ZFHX3: variants seen among roughly 807,000 people sequenced by gnomAD.
The protein encoded by ZFHX3 is zinc finger homeobox protein 3.
Under a neutral mutation model 279.1 loss-of-function variants are expected in ZFHX3, and 42 were observed. The observed-to-expected ratio is 0.15, with a 90% CI of 0.12 to 0.19. ZFHX3 has a LOEUF of 0.19. Ranked by LOEUF, ZFHX3 falls within the 10% of genes least tolerant of loss-of-function variation. The pLI is 1.00. For synonymous variants in ZFHX3, 2,293 were observed against 1,957.8 expected (o/e 1.17, Z -4.52); for missense variants, 4,981 against 4,754.0 (o/e 1.05, Z -1.40).
chr16:73,573,067 A>G (rs1597005959), intron 2 of ZFHX3, among the ~76,000 whole-genome samples: 1 of 152,314 alleles, frequency 6.6e-6, no homozygotes, highest in Non-Finnish European at 1.5e-5. Flanking sequence ...TAGCTCCATT[A>G]TTGTATATTC....
At chr16:73,858,813 A>G (rs1046811562) in intron 1 of ZFHX3, among the ~76,000 whole-genome samples, 3 of 152,222 alleles carry the variant, frequency 2.0e-5, no homozygotes, top group Non-Finnish European at 4.4e-5. Context: ...CTTAGCACCA[A>G]AATAATCCAC....
At chr16:73,383,498 G>A (rs1392331050) in intron 3 of ZFHX3, among the ~76,000 whole-genome samples, 1 of 152,188 alleles carries the variant, frequency 6.6e-6, no homozygotes, top group East Asian at 1.9e-4. Flanking sequence ...GCACACAGAC[G>A]AGAGCTGCCG....
At chr16:73,054,016 G>T (rs551681290) in intron 1 of ZFHX3, among the ~76,000 whole-genome samples, 7 of 151,774 alleles carry the variant, frequency 4.6e-5, no homozygotes, top group African/African-American at 1.7e-4. Flanking sequence ...TACCATGGAG[G>T]GAGGGGGGAG....
At chr16:73,781,390 T>A (rs925237331) in intron 1 of ZFHX3, among the ~76,000 whole-genome samples, 1 of 152,192 alleles carries the variant, frequency 6.6e-6, no homozygotes, top group South Asian at 2.1e-4. Context: ...CTGCTACTCC[T>A]GCATCACACT....
chr16:73,172,038 G>A (rs1175303612), intron 5 of ZFHX3, among the ~76,000 whole-genome samples: 1 of 152,146 alleles, frequency 6.6e-6, no homozygotes, highest in Non-Finnish European at 1.5e-5. Flanking sequence ...ACTGCAGACC[G>A]GGTCCTGCCC....
rs1005677686 is a variant in ZFHX3 at position 72,785,949 on chromosome 16, G to A, written c.*1215C>T. On this transcript the variant is annotated 3_prime_UTR_variant, in exon 10 of 10. Transcript: ENST00000268489. ...AAAAATAATCTGTGAGGATCCTAAT[G>A]ACCCCTAGAATCCCTTGAAATTCTT... The A allele has an allele frequency of 6.6e-6, 1 of 152,132 alleles. No homozygotes were observed. The highest frequency in any genetic ancestry group is 1.5e-5 in the Non-Finnish European group (1 of 68,026). 9.4% of individuals were successfully genotyped at this position (152,132 alleles called of 1,614,324 possible).
intron 8 of ZFHX3, among the ~76,000 whole-genome samples, chr16:73,083,937 G>T (rs1014584650): frequency 3.2e-4 from 49 of 152,276 alleles, no homozygotes; most frequent in African/African-American, 1.2e-3. Flanking sequence ...TCTACGTGAG[G>T]TCTAGGGCCA....
chr16:73,707,644 G>A (rs1447325208), intron 1 of ZFHX3, among the ~76,000 whole-genome samples: 6 of 151,386 alleles, frequency 4.0e-5, no homozygotes, highest in Non-Finnish European at 7.4e-5. Context: ...AATGCTAAAT[G>A]ACAAGTTAAT....
At chr16:73,161,959 G>A (rs1186289755) in intron 5 of ZFHX3, among the ~76,000 whole-genome samples, 1 of 152,184 alleles carries the variant, frequency 6.6e-6, no homozygotes, top group South Asian at 2.1e-4. Context: ...ATAATAATAT[G>A]ATTTATACTT....
chr16:73,237,635 G>T (rs1433485425), intron 5 of ZFHX3, among the ~76,000 whole-genome samples: 1 of 141,628 alleles, frequency 7.1e-6, no homozygotes, highest in Non-Finnish European at 1.5e-5. Context: ...GCCTCCTAAA[G>T]TGCTGGGATT....
At chr16:73,771,990 C>T (rs1295724916) in intron 1 of ZFHX3, among the ~76,000 whole-genome samples, 2 of 152,136 alleles carry the variant, frequency 1.3e-5, no homozygotes, top group Non-Finnish European at 2.9e-5. Context: ...TCCCAACCTT[C>T]ATATCATTTT....
intron 1 of ZFHX3, among the ~76,000 whole-genome samples, chr16:73,706,231 C>T (rs1042308252): frequency 1.3e-5 from 2 of 151,954 alleles, no homozygotes; most frequent in Non-Finnish European, 2.9e-5. Flanking sequence ...GAGGCTGAGG[C>T]GGGTGGATCA....
At chr16:73,529,477 G>T (rs1000312497) in intron 2 of ZFHX3, among the ~76,000 whole-genome samples, 1 of 152,152 alleles carries the variant, frequency 6.6e-6, no homozygotes, top group East Asian at 1.9e-4. Flanking sequence ...AGGCAGGGAG[G>T]TTACTGGCAG....
intron 4 of ZFHX3, among the ~76,000 whole-genome samples, chr16:73,300,306 T>TATAGAAA (rs2068355065): frequency 6.6e-6 from 1 of 150,656 alleles, no homozygotes; most frequent in Admixed American, 6.6e-5. Context: ...AATGCCCCAT[T>TATAGAAA]ATAGAAAATA....
chr16:72,964,794 T>C (rs1033859630), intron 1 of ZFHX3, among the ~76,000 whole-genome samples: 1 of 152,072 alleles, frequency 6.6e-6, no homozygotes, highest in East Asian at 1.9e-4. Flanking sequence ...CACTAGGAGA[T>C]AGATACTATT....
rs200667144 is a variant in ZFHX3 at position 73,579,854 on chromosome 16, T to TTATATATATATATATATATA, written c.-1547+100306_-1547+100325dup. On this transcript the variant is annotated intron_variant, in intron 2 of 17. Transcript: ENST00000641206. ...GGTTCACAAATATATATTATACAGA[T>TTATATATATATATATATATA]TATATATATATATATATATACATAC... Among the ~76,000 whole-genome samples, 704 of 140,842 alleles carry TTATATATATATATATATATA rather than the reference T, an allele frequency of 5.0e-3. 11 individuals are homozygous for TTATATATATATATATATATA. Among genetic ancestry groups the TTATATATATATATATATATA allele is most frequent in the African/African-American group, 0.015 (538 of 36,610 alleles). The allele number at this position is 140,842 out of a possible 152,430, so 92.4% of individuals were successfully genotyped here.
intron 1 of ZFHX3, among the ~76,000 whole-genome samples, chr16:72,981,436 ACTT>A (rs773620318): frequency 2.0e-5 from 3 of 152,316 alleles, no homozygotes; most frequent in South Asian, 4.1e-4. Context: ...AAAAGCCTCC[ACTT>A]CTTGACTCAA....
intron 1 of ZFHX3, among the ~76,000 whole-genome samples, chr16:72,968,897 A>T (rs1961973429): frequency 6.6e-6 from 1 of 152,154 alleles, no homozygotes; most frequent in African/African-American, 2.4e-5. Context: ...AAAATATGTG[A>T]GTGTGTAAGT....
At chr16:73,166,871 A>T (rs1393698571) in intron 5 of ZFHX3, among the ~76,000 whole-genome samples, 1 of 152,168 alleles carries the variant, frequency 6.6e-6, no homozygotes, top group Non-Finnish European at 1.5e-5. Flanking sequence ...GAAAATCTTG[A>T]TGAGATAAAA....
Sources: allele counts gnomAD v4.1 joint callset (sites outside exome capture counted in the v4.1 genomes callset), GRCh38; gene constraint gnomAD v4.1.1; transcripts MANE v1.5; gene names NCBI Gene and HGNC (gene_info 2026-07-23, HGNC 2026-07-21).